The following ANKHD1 variants were observed in gnomAD, a reference collection of about 807,000 sequenced individuals.
ANKHD1 encodes ankyrin repeat and KH domain-containing protein 1.
In ANKHD1, 31 loss-of-function variants were observed where a neutral mutation model predicts 230.5. That is an observed-to-expected ratio of 0.13 (90% CI 0.10 to 0.18). The LOEUF is 0.18. Among genes scored for constraint, ANKHD1 ranks in the 10% least tolerant of loss-of-function variants. ANKHD1 has a pLI of 1.00. For synonymous variants in ANKHD1, 1,074 were observed against 1,117.6 expected, an observed-to-expected ratio of 0.96 and a Z score of 0.78; for missense variants, 2,256 against 3,071.3, an observed-to-expected ratio of 0.73 and a Z score of 6.27.
intron 1 of ANKHD1, among the ~76,000 whole-genome samples, chr5:140,413,001 G>A (rs1771063816): frequency 6.6e-6 from 1 of 151,942 alleles, no homozygotes; most frequent in South Asian, 2.1e-4. Context: ...TAGAAAGGAT[G>A]TTTTTTTAAA....
chr5:140,534,417 TATG>T (rs1267912330), intron 29 of ANKHD1, among the ~76,000 whole-genome samples: 1 of 149,634 alleles, frequency 6.7e-6, no homozygotes, highest in Admixed American at 6.7e-5. Context: ...GAAATGGAAA[TATG>T]AGGGTGAGGA....
rs760061336 is a variant in ANKHD1 at position 140,487,077 on chromosome 5, T to C, written c.2245+17T>C. Reference sequence around the variant, plus strand: ...TGCAAAAAGGTTAGTTATTGAATTATTTTTCTTAAAATGGGTATTTTTTCA... The same window carrying C: ...TGCAAAAAGGTTAGTTATTGAATTACTTTTCTTAAAATGGGTATTTTTTCA... On this transcript the variant is annotated intron_variant, in intron 14 of 33. Transcript: ENST00000360839. 1.3e-6 allele frequency: 2 copies of C among 1,599,456 alleles called. No homozygotes were observed. The highest frequency in any genetic ancestry group is 1.1e-5 in the South Asian group (1 of 89,532).
At chr5:140,412,137 GGC>G (rs1435935202) in intron 1 of ANKHD1, among the ~76,000 whole-genome samples, 1 of 151,892 alleles carries the variant, frequency 6.6e-6, no homozygotes, top group Non-Finnish European at 1.5e-5. Flanking sequence ...CCTGGGTTCA[GGC>G]AATTCTCCTG....
At chr5:140,402,964 CTT>C (rs56939861) in intron 1 of ANKHD1, among the ~76,000 whole-genome samples, 818 of 73,768 alleles carry the variant, frequency 0.011, 2 homozygotes, top group African/African-American at 0.041. Flanking sequence ...GAAACCTCTT[CTT>C]TTTTTTTTTT....
rs561754605 is a variant in ANKHD1, at chr5:140,529,621, C to A, written c.6675C>A (p.Asn2225Lys). ...SLFDSSQVPA[N>K]QGWGDGPLSS... is the part of the protein sequence containing the mutation. ...TTGATAGTAGTCAGGTGCCAGCTAACCAGGGCTGGGGAGATGGTCCACTGT... is the reference window on the plus strand; with the variant it reads ...TTGATAGTAGTCAGGTGCCAGCTAAACAGGGCTGGGGAGATGGTCCACTGT... Residue 2225 changes from asparagine (N) to lysine (K), a missense_variant, in exon 29 of 34, where the codon AAC (asparagine) becomes AAA (lysine). Around this residue, in one of 13 missense-constraint regions of ANKHD1, gnomAD observed 778 missense variants for 966.5 expected, o/e 0.80. Transcript: ENST00000360839. 3.1e-6 allele frequency: 5 copies of A among 1,614,150 alleles called. No individual in the cohort carries two copies. In the Admixed American group the frequency reaches 8.3e-5, roughly 27 times the overall value.
intron 15 of ANKHD1, among the ~76,000 whole-genome samples, chr5:140,499,489 G>A (rs1207147278): frequency 2.0e-5 from 3 of 152,176 alleles, no homozygotes; most frequent in Non-Finnish European, 4.4e-5. Context: ...AAGAATTTTA[G>A]ATGTATGATA....
intron 15 of ANKHD1, among the ~76,000 whole-genome samples, 166 bp downstream of exon 15, chr5:140,497,444 C>T (rs1034905730): frequency 6.6e-6 from 1 of 152,234 alleles, no homozygotes; most frequent in Non-Finnish European, 1.5e-5. Context: ...CTCAATAGCA[C>T]TAACACACAA....
intron 3 of ANKHD1, among the ~76,000 whole-genome samples, chr5:140,439,111 C>T (rs1045325174): frequency 6.6e-6 from 1 of 151,956 alleles, no homozygotes; most frequent in Non-Finnish European, 1.5e-5. Flanking sequence ...TGCATTTTAA[C>T]AAGAAATACG....
intron 10 of ANKHD1, among the ~76,000 whole-genome samples, chr5:140,467,338 T>C (rs536464181): frequency 1.9e-4 from 29 of 152,338 alleles, no homozygotes; most frequent in Non-Finnish European, 3.7e-4. Context: ...TTTAAAAATG[T>C]ATAGCCTCTT....
At chr5:140,475,006 A>C (rs1750885208) in intron 10 of ANKHD1, among the ~76,000 whole-genome samples, 1 of 152,128 alleles carries the variant, frequency 6.6e-6, no homozygotes, top group Non-Finnish European at 1.5e-5. Flanking sequence ...AAACTAGGAA[A>C]CTTCTGTCAA....
chr5:140,418,122 G>T (rs1160180944), intron 1 of ANKHD1, among the ~76,000 whole-genome samples: 1 of 150,612 alleles, frequency 6.6e-6, no homozygotes, highest in Non-Finnish European at 1.5e-5. Flanking sequence ...GATTACAGGC[G>T]TGAGCCACCG....
intron 13 of ANKHD1, chr5:140,486,025 G>GT (rs1344525360): frequency 1.8e-5 from 5 of 283,274 alleles, no homozygotes; most frequent in Non-Finnish European, 2.5e-5. Flanking sequence ...TTTTTTATTT[G>GT]TTTTTTAACA....
Position 140,532,115 on chromosome 5 carries a change from G to C in ANKHD1, c.6850+2319G>C, listed in dbSNP as rs560071069. 1.2e-4 allele frequency among the ~76,000 whole-genome samples: 18 copies of C among 151,836 alleles called. No homozygotes were observed. In the South Asian group the frequency reaches 3.7e-3, roughly 32 times the overall value. On this transcript the variant is annotated intron_variant, in intron 29 of 33. Transcript: ENST00000360839. ...CCAGCTACTCAGGAGGCCGAGGCAGGGGAATCACTTGAACACAGGAGGTGG... is the reference window on the plus strand; with the variant it reads ...CCAGCTACTCAGGAGGCCGAGGCAGCGGAATCACTTGAACACAGGAGGTGG...
chr5:140,452,911 A>C lies in ANKHD1; in HGVS notation c.1242+3606A>C, dbSNP rs565230011. The stretch of plus-strand genomic sequence containing the variant: ...GAGAGAAGAAGGCTTCAGACAATCA[A>C]ACTTCTCTGAGCTAAAGGAGGAAGT... On this transcript the variant is annotated intron_variant, in intron 7 of 33. Transcript: ENST00000360839. Among the ~76,000 whole-genome samples, 3 of 152,196 alleles carry C rather than the reference A, an allele frequency of 2.0e-5. No individual in the cohort carries two copies. The South Asian group carries it at 6.2e-4, about 31-fold the overall frequency.
chr5:140,458,981 C>CATATATATATATATATATAT (rs1335940395), intron 8 of ANKHD1, 119 bp downstream of exon 8: 1 of 22,836 alleles, frequency 4.4e-5, no homozygotes, highest in Non-Finnish European at 9.6e-5. Context: ...TATATATATG[C>CATATATATATATATATATAT]ATATATATAT....
chr5:140,476,354 C>G (rs1750965449), intron 10 of ANKHD1, among the ~76,000 whole-genome samples: 1 of 152,016 alleles, frequency 6.6e-6, no homozygotes, highest in South Asian at 2.1e-4. Context: ...AGCATTGTGA[C>G]TAGACATGAA....
intron 10 of ANKHD1, among the ~76,000 whole-genome samples, chr5:140,475,986 T>C (rs928152794): frequency 1.3e-5 from 2 of 152,158 alleles, no homozygotes; most frequent in African/African-American, 4.8e-5. Flanking sequence ...ATGTTTATTT[T>C]AAACTATGAC....
chr5:140,419,776 T>TTCTTTCTTTCTTTC (rs1359005619), intron 1 of ANKHD1, among the ~76,000 whole-genome samples: 1 of 13,846 alleles, frequency 7.2e-5, no homozygotes, highest in Non-Finnish European at 1.6e-4. Flanking sequence ...TCCTTTCTTT[T>TTCTTTCTTTCTTTC]TCTTTCTTTC....
intron 1 of ANKHD1, among the ~76,000 whole-genome samples, chr5:140,419,753 T>TTTCTC (rs1191851399): frequency 6.6e-6 from 1 of 151,566 alleles, no homozygotes; most frequent in Non-Finnish European, 1.5e-5. Flanking sequence ...TTTCTTTTCT[T>TTTCTC]TTCTCTTCTC....
Sources: gnomAD v4.1 joint callset for allele counts (sites outside exome capture counted in the v4.1 genomes callset) on GRCh38, gnomAD v4.1.1 for gene constraint, gnomAD v4.1.1 regional missense constraint, MANE v1.5 for transcripts, NCBI Gene and HGNC (gene_info 2026-07-23, HGNC 2026-07-21) for gene names.